MDFIC2: variants seen among roughly 807,000 people sequenced by gnomAD.
The protein encoded by MDFIC2 is myoD family inhibitor domain-containing protein 2.
chr3:70,238,260 G>A (rs1333686528), intron 2 of MDFIC2, among the ~76,000 whole-genome samples: 2 of 151,834 alleles, frequency 1.3e-5, no homozygotes, highest in Admixed American at 6.6e-5. Flanking sequence ...TATGTAAGGT[G>A]TAAACACTAT....
intron 2 of MDFIC2, among the ~76,000 whole-genome samples, chr3:70,277,631 T>C (rs969102409): frequency 2.0e-5 from 3 of 152,178 alleles, no homozygotes; most frequent in Non-Finnish European, 4.4e-5. Context: ...CTTGGTTTTA[T>C]GGTTTATTTC....
chr3:70,302,447 T>A lies in MDFIC2; in HGVS notation c.88+9439A>T, dbSNP rs1255329564. On this transcript the variant is annotated intron_variant, in intron 2 of 3. Coordinates refer to ENST00000567252, the MANE Select transcript of MDFIC2 (RefSeq NM_001364677.1). ...TCCTGAGGCATAAAACATAAGAGAC[T>A]TTTTTTTCCTCTCACTATAAGACTG... 5 of 145,712 alleles carry A rather than the reference T, an allele frequency of 3.4e-5. No individual in the cohort carries two copies. The East Asian group carries it at 9.6e-4, about 28-fold the overall frequency. 9.0% of individuals were successfully genotyped at this position (145,712 alleles called of 1,614,324 possible). A position where few individuals can be genotyped will look rare whatever the true frequency, so the allele number is the denominator to read the frequency against.
intron 2 of MDFIC2, among the ~76,000 whole-genome samples, chr3:70,262,744 T>C (rs1339189315): frequency 6.6e-6 from 1 of 152,140 alleles, no homozygotes; most frequent in East Asian, 1.9e-4. Context: ...AAGTTTATAG[T>C]TTTCATCAAA....
intron 2 of MDFIC2, among the ~76,000 whole-genome samples, chr3:70,307,198 G>T (rs552447840): frequency 1.8e-4 from 28 of 152,148 alleles, no homozygotes; most frequent in African/African-American, 6.7e-4. Context: ...TTGTTGTTTT[G>T]GTGGTGGTGT....
intron 2 of MDFIC2, among the ~76,000 whole-genome samples, chr3:70,267,312 C>T (rs1701924589): frequency 3.3e-5 from 5 of 149,892 alleles, no homozygotes; most frequent in Admixed American, 3.3e-4. Flanking sequence ...TAAAAAATAT[C>T]ATCTAAGTAT....
At chr3:70,255,342 C>G (rs1489158723) in intron 2 of MDFIC2, among the ~76,000 whole-genome samples, 2 of 152,100 alleles carry the variant, frequency 1.3e-5, no homozygotes, top group African/African-American at 4.8e-5. Context: ...AATAAAAGGA[C>G]CAAAGAAGAG....
At chr3:70,251,374 T>A (rs1396876573) in intron 2 of MDFIC2, among the ~76,000 whole-genome samples, 1 of 152,236 alleles carries the variant, frequency 6.6e-6, no homozygotes, top group Non-Finnish European at 1.5e-5. Flanking sequence ...AGGGGGACTA[T>A]CTGATTTTTT....
intron 2 of MDFIC2, among the ~76,000 whole-genome samples, chr3:70,304,144 C>T (rs1300276523): frequency 6.6e-6 from 1 of 152,196 alleles, no homozygotes. Context: ...GCTCTCTACA[C>T]TCATGGAATC....
intron 2 of MDFIC2, among the ~76,000 whole-genome samples, chr3:70,254,981 T>C (rs1173458147): frequency 6.6e-6 from 1 of 152,210 alleles, no homozygotes; most frequent in Non-Finnish European, 1.5e-5. Flanking sequence ...TGACCAGTAA[T>C]AGACTGATGG....
At chr3:70,239,272 A>T (rs895691358) in intron 2 of MDFIC2, among the ~76,000 whole-genome samples, 2 of 151,956 alleles carry the variant, frequency 1.3e-5, no homozygotes, top group East Asian at 3.9e-4. Context: ...AGATTGTTTT[A>T]AAAAATCAAA....
intron 3 of MDFIC2, among the ~76,000 whole-genome samples, chr3:70,201,119 G>A (rs1460141831): frequency 1.3e-5 from 2 of 151,904 alleles, no homozygotes; most frequent in Admixed American, 6.6e-5. Context: ...GTGTCATGGA[G>A]GTTTATTGGA....
chr3:70,223,791 T>C (rs961857241), intron 2 of MDFIC2, among the ~76,000 whole-genome samples: 3 of 152,176 alleles, frequency 2.0e-5, no homozygotes, highest in African/African-American at 7.2e-5. Context: ...CGTTAGCTGC[T>C]TTGGATTTCT....
chr3:70,238,728 C>CATATTT (rs1197316607), intron 2 of MDFIC2, among the ~76,000 whole-genome samples: 1 of 152,012 alleles, frequency 6.6e-6, no homozygotes, highest in African/African-American at 2.4e-5. Flanking sequence ...TTTGGGTCCC[C>CATATTT]ATATTTAGTT....
intron 2 of MDFIC2, among the ~76,000 whole-genome samples, chr3:70,280,641 C>T (rs781105779): frequency 7.2e-5 from 11 of 152,156 alleles, no homozygotes; most frequent in Admixed American, 3.3e-4. Flanking sequence ...TTCTCTCAGT[C>T]TCATTCTCCT....
At chr3:70,290,651 C>T (rs1174280619) in intron 2 of MDFIC2, among the ~76,000 whole-genome samples, 4 of 152,198 alleles carry the variant, frequency 2.6e-5, no homozygotes, top group Non-Finnish European at 5.9e-5. Context: ...GGGCGCCCCT[C>T]CCCTAGCCTC....
chr3:70,268,672 CTTCTT>C (rs1325007785), intron 2 of MDFIC2, among the ~76,000 whole-genome samples: 1 of 152,106 alleles, frequency 6.6e-6, no homozygotes, highest in Non-Finnish European at 1.5e-5. Context: ...AGTATTCTCT[CTTCTT>C]TTGTTTTTGC....
At chr3:70,309,548 A>C (rs1702437181) in intron 2 of MDFIC2, among the ~76,000 whole-genome samples, 1 of 152,174 alleles carries the variant, frequency 6.6e-6, no homozygotes, top group Admixed American at 6.5e-5. Flanking sequence ...AACATGGCAC[A>C]ATCACCCAGC....
At chr3:70,299,474 T>C (rs1481204850) in intron 2 of MDFIC2, among the ~76,000 whole-genome samples, 10 of 152,102 alleles carry the variant, frequency 6.6e-5, no homozygotes, top group Admixed American at 5.9e-4. Context: ...CACATACCCC[T>C]AGAGACATAT....
chr3:70,306,926 A>T (rs1575621782), intron 2 of MDFIC2, among the ~76,000 whole-genome samples: 1 of 152,190 alleles, frequency 6.6e-6, no homozygotes, highest in Non-Finnish European at 1.5e-5. Flanking sequence ...ACATATATAC[A>T]CATTGACTTT....
Sources: gnomAD v4.1 joint callset for allele counts (sites outside exome capture counted in the v4.1 genomes callset) on GRCh38, gnomAD v4.1.1 for gene constraint, MANE v1.5 for transcripts, NCBI Gene and HGNC (gene_info 2026-07-23, HGNC 2026-07-21) for gene names.